SLC9A9: variants seen among roughly 807,000 people sequenced by gnomAD.
SLC9A9 encodes sodium/hydrogen exchanger 9.
A neutral mutation model predicts 77.8 loss-of-function variants in SLC9A9; 62 were observed. The observed-to-expected ratio is 0.80, with a 90% confidence interval of 0.65 to 0.98. The LOEUF is 0.98. Among genes scored for constraint, SLC9A9 ranks in the 50% least tolerant of loss-of-function variants. The probability of loss-of-function intolerance (pLI) is 0.00; values close to 1 mark genes in which losing one functional copy is unlikely to be tolerated. For missense variants in SLC9A9, 775 were observed against 774.9 expected, an observed-to-expected ratio of 1.00 and a Z score of 0.00; for synonymous variants, 320 against 283.5, an observed-to-expected ratio of 1.13 and a Z score of -1.29.
chr3:143,714,266 C>A (rs1165126628), intron 4 of SLC9A9, among the ~76,000 whole-genome samples: 1 of 152,152 alleles, frequency 6.6e-6, no homozygotes, highest in Non-Finnish European at 1.5e-5. Flanking sequence ...TCAAACTCAC[C>A]ACCTGTAAGT....
intron 1 of SLC9A9, among the ~76,000 whole-genome samples, chr3:143,837,693 G>T (rs965928929): frequency 2.6e-5 from 4 of 152,116 alleles, no homozygotes; most frequent in African/African-American, 9.7e-5. Flanking sequence ...CTCCAGCTCC[G>T]GGGATGTTCT....
At chr3:143,324,823 A>T (rs79767858) in intron 14 of SLC9A9, among the ~76,000 whole-genome samples, 5,478 of 152,098 alleles carry the variant, frequency 0.036, 155 homozygotes, top group African/African-American at 0.085. Flanking sequence ...CCTGTTTTTT[A>T]AAAAAACAGT....
rs913684935 is a variant in SLC9A9, at chr3:143,605,776, T to G, written c.756-27053A>C. 2.0e-5 allele frequency among the ~76,000 whole-genome samples: 3 copies of G among 152,200 alleles called. No homozygotes were observed. In the South Asian group the frequency reaches 6.2e-4, roughly 32 times the overall value. On this transcript the variant is annotated intron_variant, in intron 6 of 15. Coordinates refer to ENST00000316549, the MANE Select transcript of SLC9A9 (RefSeq NM_173653.4). ...TATGACATCACTCAGTGCTGACAGG[T>G]GTATAGAACCGTGTTAAGCAAGTTA...
At chr3:143,754,600 A>G (rs11714850) in intron 4 of SLC9A9, among the ~76,000 whole-genome samples, 70,712 of 152,004 alleles carry the variant, frequency 0.47, 17,677 homozygotes, top group East Asian at 0.77. Context: ...TTCCCCATGT[A>G]AGCGAGCTAC....
chr3:143,535,325 A>G (rs984714894), intron 9 of SLC9A9, among the ~76,000 whole-genome samples: 1 of 152,228 alleles, frequency 6.6e-6, no homozygotes, highest in African/African-American at 2.4e-5. Flanking sequence ...CCACTAGTAT[A>G]TAATGTTTCT....
chr3:143,316,113 T>C (rs1371094397), intron 14 of SLC9A9, among the ~76,000 whole-genome samples: 1 of 152,204 alleles, frequency 6.6e-6, no homozygotes, highest in African/African-American at 2.4e-5. Flanking sequence ...TTGGAGGGCT[T>C]GGAGGTTAAG....
intron 2 of SLC9A9, among the ~76,000 whole-genome samples, chr3:143,803,728 C>A (rs1356537224): frequency 6.6e-6 from 1 of 152,182 alleles, no homozygotes; most frequent in African/African-American, 2.4e-5. Flanking sequence ...TCTCTCCTAG[C>A]CATTTCTAAT....
intron 9 of SLC9A9, chr3:143,518,057 T>G (rs561225728): frequency 1.3e-6 from 2 of 1,513,248 alleles, no homozygotes; most frequent in East Asian, 4.5e-5. Flanking sequence ...GTCAGGTTTT[T>G]CTTCCTTGGT....
chr3:143,377,612 G>A (rs1012724363), intron 13 of SLC9A9, among the ~76,000 whole-genome samples: 4 of 152,160 alleles, frequency 2.6e-5, no homozygotes, highest in African/African-American at 7.2e-5. Context: ...GGAAGGTAAC[G>A]TCGAGAAACC....
intron 14 of SLC9A9, among the ~76,000 whole-genome samples, chr3:143,357,950 T>G (rs2032638404): frequency 6.6e-6 from 1 of 151,842 alleles, no homozygotes; most frequent in Non-Finnish European, 1.5e-5. Flanking sequence ...TTCATACCTA[T>G]GACTTAAAAT....
In SLC9A9 at chr3:143,389,417, G is replaced by T. The variant is rs189416607; in HGVS notation, c.1470-7303C>A. Among the ~76,000 whole-genome samples, 338 of 152,294 alleles carry T rather than the reference G, an allele frequency of 2.2e-3. 1 individual carries two copies. The highest frequency in any genetic ancestry group is 7.8e-3 in the African/African-American group (323 of 41,556). On this transcript the variant is annotated intron_variant, in intron 12 of 15. Coordinates refer to ENST00000316549, the MANE Select transcript of SLC9A9 (RefSeq NM_173653.4). Reference sequence around the variant, plus strand: ...ATGAAGCGGTGGTGAGGGCCATTGTGCAGGACAGGCTCACTGTGGGAAGAA... The same window carrying T: ...ATGAAGCGGTGGTGAGGGCCATTGTTCAGGACAGGCTCACTGTGGGAAGAA...
intron 5 of SLC9A9, among the ~76,000 whole-genome samples, chr3:143,676,222 G>T (rs931658969): frequency 3.3e-5 from 5 of 152,054 alleles, no homozygotes; most frequent in Non-Finnish European, 7.4e-5. Flanking sequence ...GTGCAGCTTG[G>T]TTCCTAACAA....
rs1408593712 is a variant in SLC9A9 at position 143,341,399 on chromosome 3, G to A, written c.1604+22085C>T. On this transcript the variant is annotated intron_variant, in intron 14 of 15. Coordinates refer to ENST00000316549, the MANE Select transcript of SLC9A9 (RefSeq NM_173653.4). ...TTCATAACTGTATTGAGTTACAAGG[G>A]AGGGCAAGAGAGTCATCCCAGGTCA... Among the ~76,000 whole-genome samples the A allele has an allele frequency of 2.6e-5, 4 of 152,174 alleles. No homozygotes were observed. The East Asian group carries it at 7.7e-4, about 29-fold the overall frequency.
rs565434450 is a variant in SLC9A9, at chr3:143,777,959, C to T, written c.533+17042G>A. On this transcript the variant is annotated intron_variant, in intron 4 of 15. Coordinates refer to ENST00000316549, the MANE Select transcript of SLC9A9 (RefSeq NM_173653.4). The stretch of plus-strand genomic sequence containing the variant: ...TGAACTTCTGACCTCATGATCCACC[C>T]GCCTTGGCCTCCCAAACTGCTGGGA... Among the ~76,000 whole-genome samples, 7 of 147,204 alleles carry T rather than the reference C, an allele frequency of 4.8e-5. No individual in the cohort carries two copies. In the South Asian group the frequency reaches 6.4e-4, roughly 14 times the overall value.
intron 14 of SLC9A9, among the ~76,000 whole-genome samples, chr3:143,349,036 A>C (rs2108471729): frequency 6.6e-6 from 1 of 152,242 alleles, no homozygotes; most frequent in African/African-American, 2.4e-5. Flanking sequence ...GGGCAGGAGG[A>C]AGCCAGCTGC....
chr3:143,682,107 C>A (rs923934929), intron 5 of SLC9A9, among the ~76,000 whole-genome samples: 14 of 152,236 alleles, frequency 9.2e-5, no homozygotes, highest in African/African-American at 3.1e-4. Flanking sequence ...GTAGGGTTTG[C>A]ATAAAGCTCA....
intron 9 of SLC9A9, chr3:143,503,589 A>C (rs2035961059): frequency 4.6e-6 from 2 of 430,344 alleles, no homozygotes; most frequent in South Asian, 3.4e-5. Flanking sequence ...AGGATATGCC[A>C]ATGAGCTTCC....
At chr3:143,281,571 C>T (rs537409626) in intron 14 of SLC9A9, among the ~76,000 whole-genome samples, 1 of 152,270 alleles carries the variant, frequency 6.6e-6, no homozygotes, top group South Asian at 2.1e-4. Flanking sequence ...GATGAGTTGA[C>T]TTGAGGACTA....
intron 4 of SLC9A9, among the ~76,000 whole-genome samples, chr3:143,741,592 G>A (rs1241784445): frequency 6.6e-6 from 1 of 152,154 alleles, no homozygotes; most frequent in South Asian, 2.1e-4. Context: ...TCCTTACAAA[G>A]AGTACACTAT....
Sources: gnomAD v4.1 joint callset for allele counts (sites outside exome capture counted in the v4.1 genomes callset) on GRCh38, gnomAD v4.1.1 for gene constraint, MANE v1.5 for transcripts, NCBI Gene and HGNC (gene_info 2026-07-23, HGNC 2026-07-21) for gene names.